The following L3MBTL3 variants were observed in gnomAD, a reference collection of about 807,000 sequenced individuals.
The protein encoded by L3MBTL3 is lethal(3)malignant brain tumor-like protein 3.
In L3MBTL3, 27 loss-of-function variants were observed where a neutral mutation model predicts 102.3. That is an observed-to-expected ratio of 0.26 (90% CI 0.19 to 0.36). The LOEUF (loss-of-function observed/expected upper bound fraction) is 0.36, where lower values mean the gene tolerates loss of function less well. L3MBTL3 is among the 10% of genes least tolerant of loss of function. The probability of loss-of-function intolerance (pLI) is 1.00; values close to 1 mark genes in which losing one functional copy is unlikely to be tolerated. For missense variants in L3MBTL3, 798 were observed against 955.3 expected, an observed-to-expected ratio of 0.84 and a Z score of 2.17; for synonymous variants, 340 against 320.9, an observed-to-expected ratio of 1.06 and a Z score of -0.64.
At chr6:130,107,081 G>A (rs983503528) in intron 19 of L3MBTL3, among the ~76,000 whole-genome samples, 11 of 152,288 alleles carry the variant, frequency 7.2e-5, no homozygotes, top group African/African-American at 1.9e-4. Flanking sequence ...AGCCAGGAGT[G>A]AGAAGCAGTG....
At chr6:130,110,356 C>T (rs1225002844) in intron 19 of L3MBTL3, among the ~76,000 whole-genome samples, 1 of 151,936 alleles carries the variant, frequency 6.6e-6, no homozygotes, top group East Asian at 1.9e-4. Context: ...CATTTGTGTC[C>T]TCTCTTATTT....
In L3MBTL3 at chr6:130,111,515, A is replaced by G. The variant is rs1785345729; in HGVS notation, c.1886+6940A>G. 2.6e-5 allele frequency among the ~76,000 whole-genome samples: 4 copies of G among 152,194 alleles called. No individual in the cohort carries two copies. In the South Asian group the frequency reaches 8.3e-4, roughly 32 times the overall value. On this transcript the variant is annotated intron_variant, in intron 19 of 22. Coordinates refer to ENST00000361794, the MANE Select transcript of L3MBTL3 (RefSeq NM_032438.4). ...AGCTGTGGGCTGTGGCATCAACCCA[A>G]TGCCTATTCCAGATGCCAGGCAGTC...
At chr6:130,078,739 G>T in intron 14 of L3MBTL3, 105 bp downstream of exon 14, 1 of 701,162 alleles carries the variant, frequency 1.4e-6, no homozygotes, top group Non-Finnish European at 2.5e-6. Context: ...TGCAGACCAT[G>T]CAGTTTTCTG....
At chr6:130,038,179 A>G (rs1365320397) in intron 2 of L3MBTL3, among the ~76,000 whole-genome samples, 4 of 152,074 alleles carry the variant, frequency 2.6e-5, no homozygotes, top group Non-Finnish European at 5.9e-5. Flanking sequence ...CCACTCATGG[A>G]CACTTAGGTT....
chr6:130,046,065 G>A (rs1780704861), intron 3 of L3MBTL3, among the ~76,000 whole-genome samples: 1 of 152,140 alleles, frequency 6.6e-6, no homozygotes, highest in Non-Finnish European at 1.5e-5. Flanking sequence ...GACATGGTAG[G>A]GCTTCCCATA....
At chr6:130,105,788 A>G (rs1234721706) in intron 19 of L3MBTL3, among the ~76,000 whole-genome samples, 1 of 152,234 alleles carries the variant, frequency 6.6e-6, no homozygotes, top group Non-Finnish European at 1.5e-5. Context: ...AAAAAGTATC[A>G]ACAGAATACT....
chr6:130,139,398 T>A (rs1182695796), intron 22 of L3MBTL3, among the ~76,000 whole-genome samples: 1 of 152,160 alleles, frequency 6.6e-6, no homozygotes, highest in African/African-American at 2.4e-5. Context: ...GTTTTTCAGG[T>A]GAATTAGTTT....
At chr6:130,056,125 A>G (rs186607076) in intron 8 of L3MBTL3, among the ~76,000 whole-genome samples, 1 of 151,998 alleles carries the variant, frequency 6.6e-6, no homozygotes, top group African/African-American at 2.4e-5. Context: ...ATGGGGTTTC[A>G]TCATATTGGC....
chr6:130,061,435 C>A (rs969162259), intron 10 of L3MBTL3, among the ~76,000 whole-genome samples: 4 of 152,128 alleles, frequency 2.6e-5, no homozygotes, highest in African/African-American at 7.2e-5. Context: ...GAACCCTTTC[C>A]CTCCCATTTT....
rs1782271262 is a variant in L3MBTL3 at position 130,066,501 on chromosome 6, T to C, written c.1000+13T>C. ...CATCCTCCAAAAGGTTTTGTCACTT[T>C]TTGTTTGATATTTTAAATTCAGTAA... is the stretch of plus-strand genomic sequence containing the variant. On this transcript the variant is annotated intron_variant, in intron 11 of 22. Coordinates refer to ENST00000361794, the MANE Select transcript of L3MBTL3 (RefSeq NM_032438.4). The C allele has an allele frequency of 3.1e-6, 5 of 1,603,720 alleles. No homozygotes were observed. In the East Asian group the frequency reaches 9.1e-5, roughly 29 times the overall value.
intron 18 of L3MBTL3, among the ~76,000 whole-genome samples, chr6:130,102,104 A>G (rs1784730866): frequency 6.6e-6 from 1 of 151,958 alleles, no homozygotes; most frequent in Non-Finnish European, 1.5e-5. Context: ...TCAGGGGGAA[A>G]AAAAAAAGGC....
chr6:130,021,973 C>G (rs1779047946), intron 1 of L3MBTL3, among the ~76,000 whole-genome samples: 1 of 152,152 alleles, frequency 6.6e-6, no homozygotes, highest in Non-Finnish European at 1.5e-5. Context: ...TTGTAACTTT[C>G]ACCTGCCTGT....
At chr6:130,112,618 A>G (rs944321933) in intron 19 of L3MBTL3, among the ~76,000 whole-genome samples, 7 of 152,186 alleles carry the variant, frequency 4.6e-5, no homozygotes, top group Non-Finnish European at 4.4e-5. Context: ...CAGTCACCAG[A>G]GAGGGATGCA....
chr6:130,055,959 A>C (rs1584336801), intron 8 of L3MBTL3, among the ~76,000 whole-genome samples: 1 of 110,528 alleles, frequency 9.0e-6, no homozygotes, highest in Admixed American at 1.3e-4. Flanking sequence ...ATGGATTCTC[A>C]CTCTGTCACC....
intron 10 of L3MBTL3, among the ~76,000 whole-genome samples, chr6:130,065,479 T>A (rs1782185548): frequency 6.6e-6 from 1 of 152,178 alleles, no homozygotes; most frequent in Non-Finnish European, 1.5e-5. Flanking sequence ...AACTATATGT[T>A]TTAGAGAACT....
chr6:130,105,834 A>G (rs761975328), intron 19 of L3MBTL3, among the ~76,000 whole-genome samples: 1 of 152,206 alleles, frequency 6.6e-6, no homozygotes, highest in Admixed American at 6.5e-5. Flanking sequence ...AGGTTTTTCA[A>G]TAATTGTCTG....
At chr6:130,039,957 T>C (rs770262687) in intron 2 of L3MBTL3, among the ~76,000 whole-genome samples, 1 of 152,242 alleles carries the variant, frequency 6.6e-6, no homozygotes, top group Non-Finnish European at 1.5e-5. Flanking sequence ...GGTAGTTTCT[T>C]AAAGATTATT....
chr6:130,141,010 G>C lies in L3MBTL3; in HGVS notation c.*1257G>C, dbSNP rs1190799260. 6.6e-6 allele frequency: 1 copy of C among 152,598 alleles called. No homozygotes were observed. Among genetic ancestry groups the C allele is most frequent in the African/African-American group, 2.4e-5 (1 of 41,450 alleles). 9.5% of individuals were successfully genotyped at this position (152,598 alleles called of 1,614,324 possible). A position where few individuals can be genotyped will look rare whatever the true frequency, so the allele number is the denominator to read the frequency against. On this transcript the variant is annotated 3_prime_UTR_variant, in exon 23 of 23. Coordinates refer to ENST00000361794, the MANE Select transcript of L3MBTL3 (RefSeq NM_032438.4). ...AACCCTTGATTATAAATTGATAGCTGGTAGTGTTTCTTTTGCAAGAATGCA... is the reference window on the plus strand; with the variant it reads ...AACCCTTGATTATAAATTGATAGCTCGTAGTGTTTCTTTTGCAAGAATGCA...
In L3MBTL3 at chr6:130,104,455, A is replaced by C. The variant is rs554263834; in HGVS notation, c.1766A>C (p.Asn589Thr). ...SAANCPYSEI[N>T]LNKDRIFPDR... ...GCCAACTGTCCCTATTCAGAAATCA[A>C]TTTGAATAAAGACCGTATTTTTCCA... The change falls in exon 19 of 23, where the codon AAT becomes ACT. Residue 589 changes from asparagine (N) to threonine (T), a missense_variant. Asn to Thr is a moderately conservative substitution (Grantham distance 65). Coordinates refer to ENST00000361794, the MANE Select transcript of L3MBTL3 (RefSeq NM_032438.4). The C allele has an allele frequency of 6.3e-7, 1 of 1,578,178 alleles. No homozygotes were observed. Among genetic ancestry groups the C allele is most frequent in the African/African-American group, 1.4e-5 (1 of 73,300 alleles).
Sources: gnomAD v4.1 joint callset for allele counts (sites outside exome capture counted in the v4.1 genomes callset) on GRCh38, gnomAD v4.1.1 for gene constraint, MANE v1.5 for transcripts, NCBI Gene and HGNC (gene_info 2026-07-23, HGNC 2026-07-21) for gene names.